The following SGCD variants were observed in gnomAD, a reference collection of about 807,000 sequenced individuals.
The protein encoded by SGCD is delta-sarcoglycan.
SGCD carries 18 observed loss-of-function variants against 36.6 expected under a neutral mutation model. The ratio of observed to expected loss-of-function variants is 0.49; its 90% confidence interval spans 0.34 to 0.73. The LOEUF is 0.73. Ranked by LOEUF, SGCD falls within the 30% of genes least tolerant of loss-of-function variation. The pLI is 0.01. For missense variants in SGCD, 387 were observed against 346.7 expected, an observed-to-expected ratio of 1.12 and a Z score of -0.92; for synonymous variants, 133 against 130.6, an observed-to-expected ratio of 1.02 and a Z score of -0.12.
rs551677633 is a variant in SGCD at position 156,073,788 on chromosome 5, G to T, written c.-281-44090G>T. 2.6e-5 allele frequency among the ~76,000 whole-genome samples: 4 copies of T among 152,202 alleles called. No homozygotes were observed. In the South Asian group the frequency reaches 6.2e-4, roughly 24 times the overall value. ...CCAGGTAAAGCAGTCAATTTCACCT[G>T]TGCTTTTAGCCACAGGGGTTTTCTT... On this transcript the variant is annotated intron_variant, in intron 1 of 9. Coordinates refer to the SGCD transcript ENST00000517913.
Position 156,351,348 on chromosome 5 carries a change from T to C in SGCD, c.192+6671T>C, listed in dbSNP as rs538699618. On this transcript the variant is annotated intron_variant, in intron 3 of 8. Transcript: ENST00000337851. ...AGTCAGTGTTGACAACAGAAAGTCA[T>C]GAGAGACCCTTCATGACAGTATAGT... 1.4e-4 allele frequency among the ~76,000 whole-genome samples: 21 copies of C among 152,280 alleles called. No individual in the cohort carries two copies. The South Asian group carries it at 3.5e-3, about 26-fold the overall frequency.
At chr5:155,785,540 A>G in the SGCD span, among the ~76,000 whole-genome samples, 1 of 152,138 alleles carries the variant, frequency 6.6e-6, no homozygotes, top group African/African-American at 2.4e-5. Flanking sequence ...ACTTGTACCC[A>G]CTGGCCATAC....
chr5:156,645,263 T>C (rs921908949), intron 6 of SGCD, among the ~76,000 whole-genome samples: 1 of 152,164 alleles, frequency 6.6e-6, no homozygotes, highest in Admixed American at 6.5e-5. Flanking sequence ...TAGAAACCTT[T>C]TTGAAATAAT....
chr5:156,526,273 G>A (rs1003567741), intron 4 of SGCD, among the ~76,000 whole-genome samples: 2 of 152,122 alleles, frequency 1.3e-5, no homozygotes, highest in Admixed American at 6.5e-5. Context: ...AAAAAAAAGT[G>A]AGAACTATCA....
chr5:156,298,838 G>A (rs898973662), intron 3 of SGCD, among the ~76,000 whole-genome samples: 21 of 151,344 alleles, frequency 1.4e-4, no homozygotes, highest in African/African-American at 4.9e-4. Flanking sequence ...AATATATTTG[G>A]GTTATTAATC....
intron 3 of SGCD, among the ~76,000 whole-genome samples, chr5:156,402,403 A>G (rs1351898168): frequency 6.6e-6 from 1 of 152,230 alleles, no homozygotes; most frequent in Non-Finnish European, 1.5e-5. Context: ...GCAAAAGAGA[A>G]TGCACACTCT....
intron 3 of SGCD, among the ~76,000 whole-genome samples, chr5:156,243,401 A>G (rs1456830624): frequency 2.0e-5 from 3 of 152,354 alleles, no homozygotes; most frequent in Non-Finnish European, 4.4e-5. Flanking sequence ...ATTATCCAAG[A>G]AGTAAACACA....
intron 3 of SGCD, among the ~76,000 whole-genome samples, chr5:156,458,768 C>A (rs546942046): frequency 1.3e-5 from 2 of 152,166 alleles, no homozygotes; most frequent in Non-Finnish European, 2.9e-5. Context: ...GACTATGATG[C>A]TTGAATTTCA....
intron 3 of SGCD, among the ~76,000 whole-genome samples, chr5:156,355,631 C>T (rs1247628175): frequency 2.0e-5 from 3 of 152,112 alleles, no homozygotes; most frequent in Non-Finnish European, 4.4e-5. Flanking sequence ...GTCCAACACC[C>T]TCAAATAATT....
At chr5:156,048,066 T>G (rs1759818692) in intron 1 of SGCD, among the ~76,000 whole-genome samples, 2 of 152,138 alleles carry the variant, frequency 1.3e-5, no homozygotes, top group African/African-American at 4.8e-5. Flanking sequence ...AGTGAGAACA[T>G]GCGGTGTTTG....
At chr5:156,672,939 A>C (rs1487019300) in intron 7 of SGCD, among the ~76,000 whole-genome samples, 1 of 152,112 alleles carries the variant, frequency 6.6e-6, no homozygotes, top group African/African-American at 2.4e-5. Flanking sequence ...TCTCAGCTTT[A>C]ATGTCTTTTC....
chr5:156,648,596 T>G (rs933237726), intron 7 of SGCD, among the ~76,000 whole-genome samples: 1 of 152,124 alleles, frequency 6.6e-6, no homozygotes, highest in African/African-American at 2.4e-5. Context: ...AAGAGGATAG[T>G]TGGTGGAGAA....
At chr5:156,148,851 C>A (rs1210853437) in intron 3 of SGCD, among the ~76,000 whole-genome samples, 5 of 152,152 alleles carry the variant, frequency 3.3e-5, no homozygotes, top group African/African-American at 1.2e-4. Flanking sequence ...GGAAAGTTTT[C>A]TCTAGAGCCG....
At chr5:156,009,546 T>G (rs1003459817) in intron 1 of SGCD, among the ~76,000 whole-genome samples, 1 of 152,198 alleles carries the variant, frequency 6.6e-6, no homozygotes, top group East Asian at 1.9e-4. Flanking sequence ...GGTCCACATA[T>G]TCCCTGCTGC....
chr5:155,874,993 C>A (rs1251528645), intron 1 of SGCD, among the ~76,000 whole-genome samples: 1 of 125,172 alleles, frequency 8.0e-6, no homozygotes, highest in African/African-American at 3.7e-5. Flanking sequence ...TTTGTAATAG[C>A]CAAAACTGGG....
chr5:156,528,823 C>T (rs905789300), intron 4 of SGCD, among the ~76,000 whole-genome samples: 1 of 152,172 alleles, frequency 6.6e-6, no homozygotes, highest in Non-Finnish European at 1.5e-5. Flanking sequence ...TTTAATAGAA[C>T]AAAATTAGCA....
chr5:155,757,044 G>T, the SGCD span, among the ~76,000 whole-genome samples: 2 of 152,174 alleles, frequency 1.3e-5, no homozygotes, highest in Non-Finnish European at 2.9e-5. Flanking sequence ...CACAGGCGGG[G>T]TCTATGCTGA....
chr5:156,377,299 T>A (rs964252370), intron 3 of SGCD, among the ~76,000 whole-genome samples: 3 of 152,226 alleles, frequency 2.0e-5, no homozygotes, highest in African/African-American at 7.2e-5. Flanking sequence ...TTGTTTACAC[T>A]GCAAAATAAA....
intron 1 of SGCD, among the ~76,000 whole-genome samples, chr5:156,067,965 C>T (rs1760383880): frequency 1.5e-5 from 2 of 129,284 alleles, no homozygotes; most frequent in South Asian, 4.2e-4. Flanking sequence ...GGCTCCTCCC[C>T]CCCACTTTTT....
Sources: gnomAD v4.1 joint callset for allele counts (sites outside exome capture counted in the v4.1 genomes callset) on GRCh38, gnomAD v4.1.1 for gene constraint, MANE v1.5 for transcripts, NCBI Gene and HGNC (gene_info 2026-07-23, HGNC 2026-07-21) for gene names.